ZNF622: variants seen among roughly 807,000 people sequenced by gnomAD.
The protein encoded by ZNF622 is zinc finger protein 622.
In ZNF622, 34 loss-of-function variants were observed where a neutral mutation model predicts 49.7. The ratio of observed to expected loss-of-function variants is 0.68; its 90% CI spans 0.52 to 0.91. The LOEUF (loss-of-function observed/expected upper bound fraction) is 0.91, where lower values mean the gene tolerates loss of function less well. Ranked by LOEUF, ZNF622 falls within the 40% of genes least tolerant of loss-of-function variation. The pLI is 0.00. For missense variants in ZNF622, 569 were observed against 616.4 expected (o/e 0.92, Z 0.81); for synonymous variants, 209 against 228.7 (o/e 0.91, Z 0.78).
Position 16,463,429 on chromosome 5 carries a change from G to A in ZNF622, c.886+53C>T. On this transcript the variant is annotated intron_variant, in intron 2 of 5. Transcript: ENST00000308683. This position sits in a 1 kb window ranked among gnomAD's most constrained non-coding sequence, Gnocchi z 4.2. Reference sequence around the variant, plus strand: ...CAAAACTAATGTTCCCTTGAGACCAGTCCCCCAATAATGTGATTATTTCCT... The same window carrying A: ...CAAAACTAATGTTCCCTTGAGACCAATCCCCCAATAATGTGATTATTTCCT... 1 of 1,548,618 alleles carries A rather than the reference G, an allele frequency of 6.5e-7. No homozygotes were observed. The highest frequency in any genetic ancestry group is 8.8e-7 in the Non-Finnish European group (1 of 1,139,470).
intron 4 of ZNF622, among the ~76,000 whole-genome samples, chr5:16,454,240 C>A (rs1238504823): frequency 1.3e-5 from 2 of 152,072 alleles, no homozygotes; most frequent in Non-Finnish European, 2.9e-5. Flanking sequence ...GTAATCCCAG[C>A]ACTTTGGGAG....
At chr5:16,458,306 A>T (rs1561068986) in intron 4 of ZNF622, among the ~76,000 whole-genome samples, 1 of 152,134 alleles carries the variant, frequency 6.6e-6, no homozygotes, top group Non-Finnish European at 1.5e-5. Flanking sequence ...ATCATAACCC[A>T]GAAATGAACA....
Position 16,463,580 on chromosome 5 carries a change from G to C in ZNF622, c.788C>G (p.Ser263Trp). 6.2e-7 allele frequency: 1 copy of C among 1,614,172 alleles called. No homozygotes were observed. The highest frequency in any genetic ancestry group is 8.5e-7 in the Non-Finnish European group (1 of 1,180,038). ...CATGTGAGCCACATTCTTCATCAGC[G>C]AGCTGGAATGATGGGAACAAAATAA... ...DCLFCSHHSS[S>W]LMKNVAHMTK... The change falls in exon 2 of 6, where the codon TCG becomes TGG. Residue 263 changes from serine (S) to tryptophan (W), a missense_variant. Coordinates refer to ENST00000308683, the MANE Select transcript of ZNF622 (RefSeq NM_033414.3). This position sits in a 1 kb window ranked among gnomAD's most constrained non-coding sequence, Gnocchi z 4.2.
intron 4 of ZNF622, among the ~76,000 whole-genome samples, chr5:16,454,899 G>A (rs975019640): frequency 6.6e-6 from 1 of 152,180 alleles, no homozygotes; most frequent in Non-Finnish European, 1.5e-5. Flanking sequence ...GACCTGAAGG[G>A]GGCTGGGTTT....
In ZNF622 at chr5:16,458,508, T is replaced by G. The variant is rs765373829; in HGVS notation, c.1162+9A>C. 12 of 1,596,024 alleles carry G rather than the reference T, an allele frequency of 7.5e-6. No individual in the cohort carries two copies. Among genetic ancestry groups the G allele is most frequent in the Non-Finnish European group, 9.4e-6 (11 of 1,164,546 alleles). The stretch of plus-strand genomic sequence containing the variant: ...CATTAAGCTATTTATTTTTGACAAA[T>G]GCACTTACCAGAAGGCAGAATCAAT... On this transcript the variant is annotated intron_variant, in intron 4 of 5. Transcript: ENST00000308683.
chr5:16,453,860 C>G (rs1737978883), intron 4 of ZNF622, among the ~76,000 whole-genome samples: 1 of 151,844 alleles, frequency 6.6e-6, no homozygotes, highest in African/African-American at 2.4e-5. Flanking sequence ...ACAGGACAGC[C>G]CCCCATAACA....
chr5:16,453,467 A>C (rs1242833846), intron 4 of ZNF622, among the ~76,000 whole-genome samples: 1 of 150,506 alleles, frequency 6.6e-6, no homozygotes, highest in Non-Finnish European at 1.5e-5. Flanking sequence ...ATGCCTCCCC[A>C]AAAATTCACA....
rs1738200174 is a variant in ZNF622 at position 16,465,358 on chromosome 5, T to A, written c.308A>T (p.Asn103Ile). ...ELEKKAVQAVNRKVEMMNEKN... is the reference protein window; with the variant it reads ...ELEKKAVQAVIRKVEMMNEKN... ...TTCATTCATCATCTCCACTTTCCGA[T>A]TCACTGCCTGCACGGCCTTCTTCTC... The change falls in exon 1 of 6, where the codon AAT (asparagine) becomes ATT (isoleucine). Residue 103 changes from asparagine to isoleucine, a missense_variant. Transcript: ENST00000308683. This position sits in a 1 kb window ranked among gnomAD's most constrained non-coding sequence, Gnocchi z 6.2. 1 of 1,614,270 alleles carries A rather than the reference T, an allele frequency of 6.2e-7. No individual in the cohort carries two copies. Among genetic ancestry groups the A allele is most frequent in the Non-Finnish European group, 8.5e-7 (1 of 1,180,042 alleles).
chr5:16,462,936 C>CT (rs1160700707), intron 3 of ZNF622, among the ~76,000 whole-genome samples, 172 bp downstream of exon 3: 1 of 152,204 alleles, frequency 6.6e-6, no homozygotes, highest in Non-Finnish European at 1.5e-5. Flanking sequence ...GTGTTAAACT[C>CT]TGTTAAACTG....
At chr5:16,459,672 G>A (rs912246616) in intron 3 of ZNF622, among the ~76,000 whole-genome samples, 1 of 152,120 alleles carries the variant, frequency 6.6e-6, no homozygotes, top group Non-Finnish European at 1.5e-5. Context: ...ATGTTGTGGA[G>A]CACTGAACAG....
chr5:16,453,809 G>C (rs1193858829), intron 4 of ZNF622, among the ~76,000 whole-genome samples: 1 of 151,960 alleles, frequency 6.6e-6, no homozygotes, highest in African/African-American at 2.4e-5. Context: ...CTGGCACCTA[G>C]TGGGTAGAGG....
Position 16,463,986 on chromosome 5 carries a change from C to G in ZNF622, c.626-244G>C, listed in dbSNP as rs1738167499. On this transcript the variant is annotated intron_variant, in intron 1 of 5. Coordinates refer to ENST00000308683, the MANE Select transcript of ZNF622 (RefSeq NM_033414.3). The surrounding 1 kb of genome is among the most constrained non-coding windows in gnomAD (Gnocchi z 4.2). Reference sequence around the variant, plus strand: ...CAGGAATCTTTTCTTTGTTTCTTTCCTATGCCTTACAGCACCTAGCCCAGT... The same window carrying G: ...CAGGAATCTTTTCTTTGTTTCTTTCGTATGCCTTACAGCACCTAGCCCAGT... Among the ~76,000 whole-genome samples the G allele has an allele frequency of 1.3e-5, 2 of 152,146 alleles. No individual in the cohort carries two copies. Among genetic ancestry groups the G allele is most frequent in the Non-Finnish European group, 2.9e-5 (2 of 68,014 alleles).
At position 16,451,604 on chromosome 5, in the gene ZNF622, C is replaced by T; in HGVS notation, c.*53G>A. 6.3e-7 allele frequency: 1 copy of T among 1,593,356 alleles called. No homozygotes were observed. The highest frequency in any genetic ancestry group is 8.5e-7 in the Non-Finnish European group (1 of 1,170,890). On this transcript the variant is annotated 3_prime_UTR_variant, in exon 6 of 6. Transcript: ENST00000308683. ...CTATGATCTGTCTTTCACTGGTCCTCAGGGCAAGGAGGAAACTTGGGCAGG... is the reference window on the plus strand; with the variant it reads ...CTATGATCTGTCTTTCACTGGTCCTTAGGGCAAGGAGGAAACTTGGGCAGG...
At position 16,463,755 on chromosome 5, in the gene ZNF622, AT is replaced by A; in HGVS notation, c.626-14del. ...ATATCTTCCCAATCTGCAAGCCAGA[AT>A]TTTGAAATATAAAGTTTAAGAAAAG... On this transcript the variant is annotated splice_polypyrimidine_tract_variant and intron_variant, in intron 1 of 5. Transcript: ENST00000308683. The surrounding 1 kb of genome is among the most constrained non-coding windows in gnomAD (Gnocchi z 4.2). 1 of 1,608,120 alleles carries A rather than the reference AT, an allele frequency of 6.2e-7. No individual in the cohort carries two copies. Among genetic ancestry groups the A allele is most frequent in the Non-Finnish European group, 8.5e-7 (1 of 1,176,542 alleles).
chr5:16,465,042 G>A lies in ZNF622; in HGVS notation c.624C>T (p.Asp208=), dbSNP rs1230242955. 3 of 1,574,638 alleles carry A rather than the reference G, an allele frequency of 1.9e-6. No homozygotes were observed. The highest frequency in any genetic ancestry group is 3.7e-5 in the Admixed American group (2 of 54,304). The part of the protein sequence containing the change: ...SEEEEEDLDG[D]DWEDIDSDEE... Reference sequence around the variant, plus strand: ...TCCCCGCCCAGACAGGGCCATCACCGTCTCCATCCAGGTCCTCTTCCTCCT... The same window carrying A: ...TCCCCGCCCAGACAGGGCCATCACCATCTCCATCCAGGTCCTCTTCCTCCT... Residue 208 remains aspartate (D), a splice_region_variant and synonymous_variant, in exon 1 of 6, where the codon GAC becomes GAT. Transcript: ENST00000308683. The surrounding 1 kb of genome is among the most constrained non-coding windows in gnomAD (Gnocchi z 6.2).
intron 4 of ZNF622, among the ~76,000 whole-genome samples, chr5:16,458,255 T>TAAAAA (rs55760045): frequency 8.4e-6 from 1 of 119,306 alleles, no homozygotes; most frequent in Non-Finnish European, 1.9e-5. Flanking sequence ...GGTCTACATC[T>TAAAAA]AAAAAAAAAA....
rs16868618 is a variant in ZNF622, at chr5:16,455,250, C to T, written c.1163-2094G>A. On this transcript the variant is annotated intron_variant, in intron 4 of 5. Transcript: ENST00000308683. The stretch of plus-strand genomic sequence containing the variant: ...TTCAGAATCTTTTGTGTAAAAAGAC[C>T]ATGAACCAGATACTATAAATATTGT... Among the ~76,000 whole-genome samples the T allele has an allele frequency of 2.7e-3, 404 of 152,206 alleles. 1 individual carries two copies. The highest frequency in any genetic ancestry group is 9.6e-3 in the African/African-American group (397 of 41,514).
At position 16,463,417 on chromosome 5, in the gene ZNF622, C is replaced by T; in HGVS notation, c.886+65G>A. Reference sequence around the variant, plus strand: ...TGATGAAAAATGCAAAACTAATGTTCCCTTGAGACCAGTCCCCCAATAATG... The same window carrying T: ...TGATGAAAAATGCAAAACTAATGTTTCCTTGAGACCAGTCCCCCAATAATG... On this transcript the variant is annotated intron_variant, in intron 2 of 5. Coordinates refer to ENST00000308683, the MANE Select transcript of ZNF622 (RefSeq NM_033414.3). This position sits in a 1 kb window ranked among gnomAD's most constrained non-coding sequence, Gnocchi z 4.2. The T allele has an allele frequency of 6.6e-7, 1 of 1,522,796 alleles. No individual in the cohort carries two copies. Among genetic ancestry groups the T allele is most frequent in the Non-Finnish European group, 8.9e-7 (1 of 1,126,784 alleles). The allele number at this position is 1,522,796 out of a possible 1,614,324, so 94.3% of individuals were successfully genotyped here.
At chr5:16,464,828 A>C (rs1355470683) in intron 1 of ZNF622, among the ~76,000 whole-genome samples, 1 of 152,174 alleles carries the variant, frequency 6.6e-6, no homozygotes, top group African/African-American at 2.4e-5. Flanking sequence ...TTTCCAGACA[A>C]GGTTTTAGGC....
Sources: allele counts gnomAD v4.1 joint callset (sites outside exome capture counted in the v4.1 genomes callset), GRCh38; gene constraint gnomAD v4.1.1; non-coding constraint Gnocchi (gnomAD v3.1); transcripts MANE v1.5; gene names NCBI Gene and HGNC (gene_info 2026-07-23, HGNC 2026-07-21).